TMPRSS15: variants seen among roughly 807,000 people sequenced by gnomAD.
The protein encoded by TMPRSS15 is enteropeptidase.
In TMPRSS15, 128 loss-of-function variants were observed where a neutral mutation model predicts 125.3. That is an observed-to-expected ratio of 1.02 (90% confidence interval 0.89 to 1.18). The LOEUF (loss-of-function observed/expected upper bound fraction) is 1.18. TMPRSS15 is among the 50% of genes most tolerant of loss of function. TMPRSS15 has a pLI of 0.00. For missense variants in TMPRSS15, 1,283 were observed against 1,212.7 expected (o/e 1.06, Z -0.86); for synonymous variants, 446 against 423.2 (o/e 1.05, Z -0.66).
chr21:18,379,690 T>G (rs1454530334), intron 4 of TMPRSS15, among the ~76,000 whole-genome samples: 1 of 152,146 alleles, frequency 6.6e-6, no homozygotes, highest in Non-Finnish European at 1.5e-5. Flanking sequence ...GGGATATGCT[T>G]AGACCATGGG....
intron 10 of TMPRSS15, among the ~76,000 whole-genome samples, chr21:18,345,411 G>A (rs1321669500): frequency 6.6e-6 from 1 of 151,842 alleles, no homozygotes; most frequent in Non-Finnish European, 1.5e-5. Flanking sequence ...CCTTACTTTT[G>A]ATTACTTAGA....
intron 10 of TMPRSS15, among the ~76,000 whole-genome samples, chr21:18,345,275 A>G (rs1243189465): frequency 6.6e-6 from 1 of 152,190 alleles, no homozygotes; most frequent in Non-Finnish European, 1.5e-5. Flanking sequence ...TTTCATGAGT[A>G]CATATCTTAG....
intron 1 of TMPRSS15, among the ~76,000 whole-genome samples, chr21:18,450,910 T>G (rs1569071509): frequency 6.6e-6 from 1 of 152,198 alleles, no homozygotes; most frequent in East Asian, 1.9e-4. Context: ...AGAGAGGCCT[T>G]CTAGTATTTG....
At chr21:18,471,277 C>G (rs1458017518) in intron 1 of TMPRSS15, among the ~76,000 whole-genome samples, 2 of 152,020 alleles carry the variant, frequency 1.3e-5, no homozygotes, top group Non-Finnish European at 1.5e-5. Context: ...TTTTTTCTAT[C>G]AATAGTATGT....
chr21:18,315,086 T>C (rs1292501353), intron 17 of TMPRSS15, 60 bp downstream of exon 17: 15 of 1,301,850 alleles, frequency 1.2e-5, no homozygotes, highest in Non-Finnish European at 1.7e-5. Context: ...TCTTTGACAC[T>C]GTAGAGTCCA....
chr21:18,471,499 G>A (rs1403988108), intron 1 of TMPRSS15, among the ~76,000 whole-genome samples: 1 of 151,770 alleles, frequency 6.6e-6, no homozygotes, highest in East Asian at 1.9e-4. Flanking sequence ...AGCATAATAT[G>A]GTGTTTTTCC....
In TMPRSS15 at chr21:18,270,674, A is replaced by G. The variant is rs184197118; in HGVS notation, c.2905-550T>C. On this transcript the variant is annotated intron_variant, in intron 24 of 24. Transcript: ENST00000284885. Reference sequence around the variant, plus strand: ...CTGAAATAAGGAAGTCTGTGATATAATTTTTAGTGATAATTGCTCATGTTT... The same window carrying G: ...CTGAAATAAGGAAGTCTGTGATATAGTTTTTAGTGATAATTGCTCATGTTT... 1.2e-4 allele frequency among the ~76,000 whole-genome samples: 18 copies of G among 152,290 alleles called. No individual in the cohort carries two copies. In the East Asian group the frequency reaches 2.7e-3, roughly 23 times the overall value.
chr21:18,294,380 T>C lies in TMPRSS15; in HGVS notation c.2376A>G (p.Lys792=). 6.2e-7 allele frequency: 1 copy of C among 1,614,272 alleles called. No individual in the cohort carries two copies. Among genetic ancestry groups the C allele is most frequent in the Non-Finnish European group, 8.5e-7 (1 of 1,180,042 alleles). ...CCACAACCCAGGGCCAGGCCCCTTC[T>C]TTGGCATTACTTCCTCCAACAATCT... The part of the protein sequence containing the change: ...TPKIVGGSNA[K]EGAWPWVVGL... Residue 792 remains lysine, a synonymous_variant, in exon 21 of 25, where the codon AAA becomes AAG. Coordinates refer to ENST00000284885, the MANE Select transcript of TMPRSS15 (RefSeq NM_002772.3).
In TMPRSS15 at chr21:18,346,217, A is replaced by G. The variant is rs145373404; in HGVS notation, c.1172-2157T>C. Among the ~76,000 whole-genome samples the G allele has an allele frequency of 2.3e-3, 344 of 152,302 alleles. 1 individual carries two copies. The highest frequency in any genetic ancestry group is 7.8e-3 in the African/African-American group (326 of 41,560). ...TTAAGAGTAGAGATTTGCAGTTTAC[A>G]TAAAACTGTACTTAGTCTAACCACT... On this transcript the variant is annotated intron_variant, in intron 10 of 24. Transcript: ENST00000284885.
upstream of TMPRSS15, among the ~76,000 whole-genome samples, chr21:18,405,572 T>C (rs2076146612): frequency 6.6e-6 from 1 of 152,136 alleles, no homozygotes; most frequent in South Asian, 2.1e-4. Flanking sequence ...CTCAGCGGAA[T>C]TAAGTGCCCA....
intron 1 of TMPRSS15, among the ~76,000 whole-genome samples, chr21:18,402,878 G>A (rs1189401873): frequency 1.3e-5 from 2 of 152,152 alleles, no homozygotes. Flanking sequence ...TATTTTAAAA[G>A]CTGTTGGTAC....
At chr21:18,419,846 CT>C (rs1262659639) in intron 1 of TMPRSS15, among the ~76,000 whole-genome samples, 4 of 152,064 alleles carry the variant, frequency 2.6e-5, no homozygotes, top group African/African-American at 9.7e-5. Context: ...TTGGTTATGT[CT>C]TTTTTCCCCC....
chr21:18,331,144 T>C (rs994576902), intron 14 of TMPRSS15, among the ~76,000 whole-genome samples: 2 of 151,716 alleles, frequency 1.3e-5, no homozygotes, highest in Non-Finnish European at 2.9e-5. Flanking sequence ...GAAGTCAAAT[T>C]AGATTAGTTG....
chr21:18,374,301 G>A lies in TMPRSS15; in HGVS notation c.533-1977C>T, dbSNP rs545761404. Among the ~76,000 whole-genome samples, 5 of 150,702 alleles carry A rather than the reference G, an allele frequency of 3.3e-5. No individual in the cohort carries two copies. The East Asian group carries it at 5.9e-4, about 18-fold the overall frequency. ...ATCCTGGCTAACAAGGTGAAACCCCGTCTCTACTAAAAATACAAAAAATTA... is the reference window on the plus strand; with the variant it reads ...ATCCTGGCTAACAAGGTGAAACCCCATCTCTACTAAAAATACAAAAAATTA... On this transcript the variant is annotated intron_variant, in intron 5 of 24. Transcript: ENST00000284885.
At chr21:18,334,056 G>T (rs1394153008) in intron 13 of TMPRSS15, among the ~76,000 whole-genome samples, 1 of 152,082 alleles carries the variant, frequency 6.6e-6, no homozygotes, top group Admixed American at 6.6e-5. Flanking sequence ...ATTTTGGGAG[G>T]GATAATTAAG....
intron 1 of TMPRSS15, among the ~76,000 whole-genome samples, chr21:18,478,317 G>A (rs1055852115): frequency 6.6e-6 from 1 of 151,792 alleles, no homozygotes; most frequent in Non-Finnish European, 1.5e-5. Context: ...TATGCTGTTC[G>A]TCCCTTGCTT....
At chr21:18,277,019 G>C (rs945389596) in intron 23 of TMPRSS15, among the ~76,000 whole-genome samples, 1 of 151,990 alleles carries the variant, frequency 6.6e-6, no homozygotes, top group African/African-American at 2.4e-5. Flanking sequence ...GCCCGGCTCA[G>C]CCTCCCAAAG....
intron 9 of TMPRSS15, 61 bp downstream of exon 9, chr21:18,353,662 A>G (rs1388114660): frequency 6.6e-7 from 1 of 1,505,632 alleles, no homozygotes; most frequent in African/African-American, 1.4e-5. Context: ...CTACCTTTAA[A>G]ATTCCATCAT....
Position 18,304,957 on chromosome 21 carries a change from G to C in TMPRSS15, c.2166-7128C>G, listed in dbSNP as rs17002545. Among the ~76,000 whole-genome samples the C allele has an allele frequency of 7.9e-3, 1,206 of 152,112 alleles. 20 individuals are homozygous for C. Among genetic ancestry groups the C allele is most frequent in the African/African-American group, 0.027 (1,113 of 41,496 alleles). On this transcript the variant is annotated intron_variant, in intron 18 of 24. Transcript: ENST00000284885. ...TATTAAAAAGTGTAAGCCGAAGTAG[G>C]AGCGACAGACAAAGAAGATTCTCCA... is the stretch of plus-strand genomic sequence containing the variant.
Sources: allele counts gnomAD v4.1 joint callset (sites outside exome capture counted in the v4.1 genomes callset), GRCh38; gene constraint gnomAD v4.1.1; transcripts MANE v1.5; gene names NCBI Gene and HGNC (gene_info 2026-07-23, HGNC 2026-07-21).